The following FMNL2 variants were observed in gnomAD, a reference collection of about 807,000 sequenced individuals.
FMNL2 encodes the protein formin-like protein 2.
FMNL2 carries 51 observed loss-of-function variants against 130.2 expected under a neutral mutation model. The ratio of observed to expected loss-of-function variants is 0.39; its 90% CI spans 0.31 to 0.49. The LOEUF (loss-of-function observed/expected upper bound fraction) is 0.49. FMNL2 is among the 20% of genes least tolerant of loss of function. The probability of loss-of-function intolerance (pLI) is 0.85; values close to 1 mark genes in which losing one functional copy is unlikely to be tolerated. For synonymous variants in FMNL2, 465 were observed against 467.1 expected (o/e 1.00, Z 0.06); for missense variants, 977 against 1,316.2 (o/e 0.74, Z 3.99).
At chr2:152,379,141 G>C (rs1684327059) in intron 1 of FMNL2, among the ~76,000 whole-genome samples, 1 of 152,118 alleles carries the variant, frequency 6.6e-6, no homozygotes, top group Non-Finnish European at 1.5e-5. Context: ...AGGGAGATTT[G>C]TTTAGAGACC....
At position 152,521,969 on chromosome 2, in the gene FMNL2, A is replaced by G. The variant is rs762086112; in HGVS notation, c.144A>G (p.Lys48=). ...VLNAMNLPPD[K]ARLLRQYDNE... is the part of the protein sequence containing the mutation. ...ATGCTATGAACCTACCTCCTGACAAAGCCAGGTTACTGCGGCAGTATGATA... is the reference window on the plus strand; with the variant it reads ...ATGCTATGAACCTACCTCCTGACAAGGCCAGGTTACTGCGGCAGTATGATA... Residue 48 remains lysine (K), a synonymous_variant, in exon 2 of 26, where the codon AAA becomes AAG. Coordinates refer to ENST00000288670, the MANE Select transcript of FMNL2 (RefSeq NM_052905.4). 6.2e-7 allele frequency: 1 copy of G among 1,613,158 alleles called. No individual in the cohort carries two copies. Among genetic ancestry groups the G allele is most frequent in the South Asian group, 1.1e-5 (1 of 90,830 alleles).
intron 24 of FMNL2, 44 bp downstream of exon 24, chr2:152,640,100 TGA>T: frequency 6.7e-7 from 1 of 1,482,898 alleles, no homozygotes; most frequent in Non-Finnish European, 9.0e-7. Flanking sequence ...GAGGAGAGGC[TGA>T]GAGGGCTCTT....
At chr2:152,428,692 T>C (rs1289948678) in intron 1 of FMNL2, among the ~76,000 whole-genome samples, 4 of 152,218 alleles carry the variant, frequency 2.6e-5, no homozygotes, top group African/African-American at 9.7e-5. Flanking sequence ...TCTAGTATTT[T>C]GAAATAAGAA....
chr2:152,619,166 G>A lies in FMNL2; in HGVS notation c.1627+8G>A. The A allele has an allele frequency of 1.3e-6, 2 of 1,542,374 alleles. No individual in the cohort carries two copies. Among genetic ancestry groups the A allele is most frequent in the Non-Finnish European group, 1.7e-6 (2 of 1,148,774 alleles). On this transcript the variant is annotated splice_region_variant and intron_variant, in intron 14 of 25. Transcript: ENST00000288670. The stretch of plus-strand genomic sequence containing the variant: ...CAGACACACCTGAAACAGGTAAGAA[G>A]CCTTGGCAGGAGGACTGAGGAAGTT...
At chr2:152,499,015 C>T (rs1691666175) in intron 1 of FMNL2, among the ~76,000 whole-genome samples, 1 of 152,034 alleles carries the variant, frequency 6.6e-6, no homozygotes, top group African/African-American at 2.4e-5. Flanking sequence ...GCAAAGGGGC[C>T]CTTAGTTAAT....
chr2:152,383,454 A>G (rs1436078205), intron 1 of FMNL2, among the ~76,000 whole-genome samples: 1 of 151,794 alleles, frequency 6.6e-6, no homozygotes, highest in Non-Finnish European at 1.5e-5. Context: ...CGTAAGAGTA[A>G]CCTGGCGTGG....
intron 1 of FMNL2, among the ~76,000 whole-genome samples, chr2:152,362,225 A>C (rs1458201206): frequency 6.6e-6 from 1 of 151,860 alleles, no homozygotes; most frequent in Non-Finnish European, 1.5e-5. Context: ...GGATGGTTGC[A>C]CACTTGTGTT....
intron 1 of FMNL2, among the ~76,000 whole-genome samples, chr2:152,443,271 G>A (rs1030813215): frequency 1.7e-4 from 26 of 152,164 alleles, no homozygotes; most frequent in African/African-American, 5.8e-4. Context: ...GATGGTGTGT[G>A]TGGAGACCTG....
At chr2:152,458,943 T>G (rs1236829295) in intron 1 of FMNL2, among the ~76,000 whole-genome samples, 1 of 152,210 alleles carries the variant, frequency 6.6e-6, no homozygotes, top group Non-Finnish European at 1.5e-5. Flanking sequence ...CTGTGCACCA[T>G]CGTTTTGGAA....
At chr2:152,504,497 G>A (rs558493018) in intron 1 of FMNL2, among the ~76,000 whole-genome samples, 1 of 151,638 alleles carries the variant, frequency 6.6e-6, no homozygotes, top group South Asian at 2.1e-4. Flanking sequence ...CGCCTGCTTC[G>A]GCCTCCCAAA....
chr2:152,336,045 C>G (rs1186126253), intron 1 of FMNL2, among the ~76,000 whole-genome samples: 1 of 150,552 alleles, frequency 6.6e-6, no homozygotes, highest in African/African-American at 2.4e-5. Context: ...GAAGGTGGCG[C>G]GGGCTGGGAG....
intron 6 of FMNL2, among the ~76,000 whole-genome samples, chr2:152,563,921 G>GA (rs1393389051): frequency 6.6e-6 from 1 of 152,104 alleles, no homozygotes; most frequent in Non-Finnish European, 1.5e-5. Context: ...CTTCAAACCG[G>GA]AAAATCTCAT....
At chr2:152,600,997 A>G (rs1451018721) in intron 9 of FMNL2, among the ~76,000 whole-genome samples, 1 of 152,140 alleles carries the variant, frequency 6.6e-6, no homozygotes. Flanking sequence ...TTCTATTGCC[A>G]TGCTAGATGA....
At chr2:152,507,613 A>T (rs917503035) in intron 1 of FMNL2, among the ~76,000 whole-genome samples, 1 of 152,238 alleles carries the variant, frequency 6.6e-6, no homozygotes, top group Non-Finnish European at 1.5e-5. Context: ...ATGAACATCG[A>T]GCAAGTAGTT....
In FMNL2 at chr2:152,467,209, T is replaced by TTGTTTACC. The variant is rs540276378; in HGVS notation, c.118-54733_118-54726dup. 2.2e-3 allele frequency among the ~76,000 whole-genome samples: 341 copies of TTGTTTACC among 152,332 alleles called. 1 individual carries two copies. The highest frequency in any genetic ancestry group is 0.017 in the Middle Eastern group (5 of 294). ...TTTTCTGACAAGAGCTGGATCTTGC[T>TTGTTTACC]TGTTTACCATCTACCCCAGCACCTT... On this transcript the variant is annotated intron_variant, in intron 1 of 25. Transcript: ENST00000288670.
At chr2:152,418,298 C>T (rs904759783) in intron 1 of FMNL2, among the ~76,000 whole-genome samples, 1 of 145,008 alleles carries the variant, frequency 6.9e-6, no homozygotes. Context: ...TGTGGTAAAA[C>T]GTTAAGATAA....
intron 1 of FMNL2, among the ~76,000 whole-genome samples, chr2:152,358,161 TC>T (rs34756765): frequency 0.088 from 13,412 of 152,172 alleles, 672 homozygotes; most frequent in African/African-American, 0.14. Flanking sequence ...AACATCAGAC[TC>T]CAAGTTCTTC....
chr2:152,615,547 G>A (rs772853009), intron 12 of FMNL2, among the ~76,000 whole-genome samples: 17 of 152,196 alleles, frequency 1.1e-4, no homozygotes, highest in Middle Eastern at 6.8e-3. Context: ...CCTCAGTATC[G>A]TTGTCAGCTC....
chr2:152,491,748 T>G (rs1691208591), intron 1 of FMNL2, among the ~76,000 whole-genome samples: 2 of 152,106 alleles, frequency 1.3e-5, no homozygotes, highest in African/African-American at 4.8e-5. Context: ...GTCAGGAGTT[T>G]GAGGCCAGCC....
Sources: allele counts gnomAD v4.1 joint callset (sites outside exome capture counted in the v4.1 genomes callset), GRCh38; gene constraint gnomAD v4.1.1; transcripts MANE v1.5; gene names NCBI Gene and HGNC (gene_info 2026-07-23, HGNC 2026-07-21).